Variants in SSBP3 observed in about 807,000 individuals in gnomAD.
SSBP3 encodes single-stranded DNA-binding protein 3.
In SSBP3, 5 loss-of-function variants were observed where a neutral mutation model predicts 69.6. The observed-to-expected ratio is 0.07, with a 90% confidence interval of 0.04 to 0.15. The LOEUF is 0.15. Ranked by LOEUF, SSBP3 falls within the 10% of genes least tolerant of loss-of-function variation. The probability of loss-of-function intolerance (pLI) is 1.00; values close to 1 mark genes in which losing one functional copy is unlikely to be tolerated. For missense variants in SSBP3, 312 were observed against 534.0 expected, an observed-to-expected ratio of 0.58 and a Z score of 4.10; for synonymous variants, 196 against 193.4, an observed-to-expected ratio of 1.01 and a Z score of -0.11.
intron 5 of SSBP3, among the ~76,000 whole-genome samples, chr1:54,263,333 C>T (rs996434006): frequency 2.0e-5 from 3 of 152,196 alleles, no homozygotes; most frequent in Non-Finnish European, 4.4e-5. Flanking sequence ...CCTGGAGAGG[C>T]GGGTTGTGGT....
chr1:54,359,732 A>G (rs1172322941), intron 4 of SSBP3, among the ~76,000 whole-genome samples: 1 of 152,180 alleles, frequency 6.6e-6, no homozygotes, highest in Non-Finnish European at 1.5e-5. Flanking sequence ...ACTTCCGTGG[A>G]GCAAAGAATC....
chr1:54,342,693 CAAGA>C (rs1333633395), intron 4 of SSBP3, among the ~76,000 whole-genome samples: 2 of 152,208 alleles, frequency 1.3e-5, no homozygotes, highest in Non-Finnish European at 2.9e-5. Flanking sequence ...AAACCTTGGA[CAAGA>C]AAGAAGCTAA....
At position 54,338,570 on chromosome 1, in the gene SSBP3, T is replaced by C. The variant is rs1003377562; in HGVS notation, c.277-57043A>G. Among the ~76,000 whole-genome samples the C allele has an allele frequency of 4.6e-5, 7 of 152,224 alleles. No individual in the cohort carries two copies. In the South Asian group the frequency reaches 1.4e-3, roughly 31 times the overall value. On this transcript the variant is annotated intron_variant, in intron 4 of 17. Transcript: ENST00000610401. ...ATTCAGGGTAACTGTCCGGTCACTCTGCGTCCATTTGCCTTTACGGCAATA... is the reference window on the plus strand; with the variant it reads ...ATTCAGGGTAACTGTCCGGTCACTCCGCGTCCATTTGCCTTTACGGCAATA...
At chr1:54,334,246 G>A (rs1437979053) in intron 4 of SSBP3, among the ~76,000 whole-genome samples, 4 of 151,700 alleles carry the variant, frequency 2.6e-5, no homozygotes, top group African/African-American at 9.7e-5. Flanking sequence ...CAGCTACTCA[G>A]GAGGCTGAGG....
At chr1:54,403,922 G>A (rs934222430) in intron 3 of SSBP3, among the ~76,000 whole-genome samples, 3 of 151,260 alleles carry the variant, frequency 2.0e-5, no homozygotes, top group Non-Finnish European at 4.4e-5. Flanking sequence ...CCTGGTTAGA[G>A]AGTCACAGAG....
At chr1:54,228,895 G>T in intron 14 of SSBP3, 69 bp from the exon 15 acceptor site, 2 of 1,517,388 alleles carry the variant, frequency 1.3e-6, no homozygotes, top group East Asian at 2.4e-5. Context: ...CAGGCAGGGG[G>T]CTGCAGCCAC....
At chr1:54,292,571 G>GCTGC (rs1181198832) in intron 4 of SSBP3, among the ~76,000 whole-genome samples, 2 of 152,120 alleles carry the variant, frequency 1.3e-5, no homozygotes, top group African/African-American at 4.8e-5. Context: ...GAGGACCCCT[G>GCTGC]CTGCCCTTCA....
chr1:54,322,462 G>A (rs906844813), intron 4 of SSBP3, among the ~76,000 whole-genome samples: 2 of 152,064 alleles, frequency 1.3e-5, no homozygotes. Context: ...GGGCCAGGAG[G>A]CAATCCCCTC....
rs562941216 is a variant in SSBP3 at position 54,353,267 on chromosome 1, C to T, written c.276+48594G>A. 7.2e-5 allele frequency among the ~76,000 whole-genome samples: 11 copies of T among 152,302 alleles called. No homozygotes were observed. The South Asian group carries it at 2.1e-3, about 29-fold the overall frequency. On this transcript the variant is annotated intron_variant, in intron 4 of 17. Coordinates refer to ENST00000610401, the Ensembl canonical transcript of SSBP3. The stretch of plus-strand genomic sequence containing the variant: ...TGGAATAGGGCAGACCCATTCTTTC[C>T]GTCGAAATCAGGCCCATTGCGAGGG...
chr1:54,313,454 T>C (rs1456672976), intron 4 of SSBP3, among the ~76,000 whole-genome samples: 272 of 127,352 alleles, frequency 2.1e-3, no homozygotes, highest in East Asian at 3.7e-3. Context: ...TTTTTTTTTT[T>C]TTTTTTTCTT....
Position 54,405,864 on chromosome 1 carries a change from G to GCGGGGGGGGGCCC in SSBP3, c.56+88_56+89insGGGCCCCCCCCCG. On this transcript the variant is annotated intron_variant, in intron 1 of 17. Transcript: ENST00000610401. ...GGACCCGAGGGCGCAGCAGCCTCCG[G>GCGGGGGGGGGCCC]CCCCCGCCCGCCCGCCCACCTGCCT... 1.4e-5 allele frequency: 2 copies of GCGGGGGGGGGCCC among 138,886 alleles called. 1 individual carries two copies. Among genetic ancestry groups the GCGGGGGGGGGCCC allele is most frequent in the Non-Finnish European group, 3.0e-5 (2 of 66,610 alleles). The allele number at this position is 138,886 out of a possible 1,614,324, so 8.6% of individuals were successfully genotyped here.
chr1:54,253,279 A>T (rs1371243292), intron 7 of SSBP3, among the ~76,000 whole-genome samples: 1 of 149,148 alleles, frequency 6.7e-6, no homozygotes, highest in African/African-American at 2.5e-5. Context: ...GCAGCCTCGA[A>T]CTCCCAGGTT....
chr1:54,374,214 G>A (rs1647180137), intron 4 of SSBP3, among the ~76,000 whole-genome samples: 1 of 152,238 alleles, frequency 6.6e-6, no homozygotes, highest in Non-Finnish European at 1.5e-5. Context: ...GCGCGGGAAT[G>A]TGTGCGGAGG....
chr1:54,298,091 G>A (rs17110311), intron 4 of SSBP3, among the ~76,000 whole-genome samples: 6,225 of 152,248 alleles, frequency 0.041, 437 homozygotes, highest in African/African-American at 0.14. Flanking sequence ...TCCGGGTGCA[G>A]GTCAGGGCTT....
intron 4 of SSBP3, among the ~76,000 whole-genome samples, chr1:54,390,139 C>G (rs1371651553): frequency 6.6e-6 from 1 of 152,162 alleles, no homozygotes; most frequent in African/African-American, 2.4e-5. Context: ...TGCCTGTCCC[C>G]TACATTGTCC....
At chr1:54,337,438 C>G (rs1646526669) in intron 4 of SSBP3, among the ~76,000 whole-genome samples, 1 of 141,174 alleles carries the variant, frequency 7.1e-6, no homozygotes, top group Non-Finnish European at 1.5e-5. Context: ...TCTCTGACTT[C>G]AAGCAGCAAA....
intron 4 of SSBP3, among the ~76,000 whole-genome samples, chr1:54,366,738 G>A (rs1284590995): frequency 6.6e-6 from 1 of 152,110 alleles, no homozygotes; most frequent in Non-Finnish European, 1.5e-5. Context: ...GGTATTACTT[G>A]AATAATTAAA....
At chr1:54,228,996 C>A (rs1557435574) in intron 14 of SSBP3, among the ~76,000 whole-genome samples, 170 bp from the exon 15 acceptor site, 1 of 152,252 alleles carries the variant, frequency 6.6e-6, no homozygotes, top group South Asian at 2.1e-4. Flanking sequence ...AGGGTCCTCA[C>A]CTCGGCCCTC....
intron 4 of SSBP3, among the ~76,000 whole-genome samples, chr1:54,363,353 T>C (rs1646979360): frequency 6.6e-6 from 1 of 152,188 alleles, no homozygotes; most frequent in African/African-American, 2.4e-5. Flanking sequence ...TCAGCAATGG[T>C]GTGAATCATG....
Sources: allele counts gnomAD v4.1 joint callset (sites outside exome capture counted in the v4.1 genomes callset), GRCh38; gene constraint gnomAD v4.1.1; transcripts MANE v1.5; gene names NCBI Gene and HGNC (gene_info 2026-07-23, HGNC 2026-07-21).